USH2A: variants seen among roughly 807,000 people sequenced by gnomAD.
The protein encoded by USH2A is Usher syndrome 2A (autosomal recessive, mild).
Under a neutral mutation model 538.9 loss-of-function variants are expected in USH2A, and 443 were observed. The observed-to-expected ratio is 0.82, with a 90% CI of 0.76 to 0.89. The LOEUF (loss-of-function observed/expected upper bound fraction) is 0.89. Among genes scored for constraint, USH2A ranks in the 40% least tolerant of loss-of-function variants. The pLI is 0.00. For missense variants in USH2A, 6,633 were observed against 6,324.8 expected (o/e 1.05, Z -1.65); for synonymous variants, 2,413 against 2,273.5 (o/e 1.06, Z -1.75).
intron 4 of USH2A, among the ~76,000 whole-genome samples, chr1:216,352,107 A>G (rs2102691734): frequency 6.6e-6 from 1 of 152,246 alleles, no homozygotes; most frequent in Non-Finnish European, 1.5e-5. Context: ...GAGTTCAGGA[A>G]AGAGGCTGGG....
intron 11 of USH2A, among the ~76,000 whole-genome samples, chr1:216,252,789 C>A (rs2036187835): frequency 6.6e-6 from 1 of 152,148 alleles, no homozygotes; most frequent in African/African-American, 2.4e-5. Context: ...GATACAAAAT[C>A]ATTACTCAAG....
chr1:215,650,885 G>T, intron 64 of USH2A, 84 bp from the exon 65 acceptor site: 2 of 1,495,376 alleles, frequency 1.3e-6, no homozygotes, highest in Non-Finnish European at 1.8e-6. Context: ...GAAAAAAAAC[G>T]AAATTGGCAA....
chr1:215,647,937 TAAGAG>T (rs1656913249), intron 66 of USH2A, among the ~76,000 whole-genome samples: 1 of 151,706 alleles, frequency 6.6e-6, no homozygotes, highest in Non-Finnish European at 1.5e-5. Context: ...AGAGAAATGA[TAAGAG>T]AAGTCACCAT....
chr1:215,638,465 C>T (rs951663217), intron 69 of USH2A, among the ~76,000 whole-genome samples: 21 of 151,614 alleles, frequency 1.4e-4, no homozygotes, highest in Non-Finnish European at 2.5e-4. Context: ...ACTGTAAATA[C>T]AAGAATCAGC....
intron 37 of USH2A, among the ~76,000 whole-genome samples, chr1:215,950,589 C>T (rs1357518781): frequency 4.7e-5 from 7 of 149,704 alleles, no homozygotes; most frequent in Admixed American, 3.4e-4. Context: ...TCACTACAAT[C>T]TCCAAATCCT....
chr1:216,200,414 T>A (rs2102468212), intron 16 of USH2A, among the ~76,000 whole-genome samples: 1 of 152,296 alleles, frequency 6.6e-6, no homozygotes, highest in East Asian at 1.9e-4. Context: ...GAGAAAGTCC[T>A]TGCGGTTCTC....
intron 18 of USH2A, among the ~76,000 whole-genome samples, chr1:216,197,511 A>G (rs1402663622): frequency 6.6e-6 from 1 of 152,124 alleles, no homozygotes; most frequent in African/African-American, 2.4e-5. Flanking sequence ...GCTGGTAGTC[A>G]TTAAGAGATG....
chr1:215,976,984 G>GTTTTTTTTTTT (rs56872387), intron 35 of USH2A, among the ~76,000 whole-genome samples: 1 of 144,426 alleles, frequency 6.9e-6, no homozygotes, highest in African/African-American at 2.5e-5. Flanking sequence ...ACCTGGTCCA[G>GTTTTTTTTTTT]TTTTTTTTTT....
chr1:215,678,191 T>C (rs943361060), intron 62 of USH2A, among the ~76,000 whole-genome samples: 8 of 152,210 alleles, frequency 5.3e-5, no homozygotes, highest in African/African-American at 1.9e-4. Context: ...TTCCACAGGG[T>C]AGCCAGAGTG....
intron 4 of USH2A, among the ~76,000 whole-genome samples, chr1:216,340,421 A>T (rs1001365116): frequency 1.3e-5 from 2 of 151,968 alleles, no homozygotes; most frequent in African/African-American, 2.4e-5. Flanking sequence ...TACAAAGAGG[A>T]GCTGGTACCA....
intron 15 of USH2A, among the ~76,000 whole-genome samples, 189 bp downstream of exon 15, chr1:216,217,198 A>G (rs1442951600): frequency 6.6e-6 from 1 of 152,112 alleles, no homozygotes; most frequent in East Asian, 1.9e-4. Context: ...TTATATTACC[A>G]TTTCCAATTG....
chr1:215,759,991 G>T, intron 56 of USH2A, 148 bp from the exon 57 acceptor site: 1 of 853,306 alleles, frequency 1.2e-6, no homozygotes. Context: ...CATAATTGGT[G>T]TAAATATATT....
At chr1:216,299,749 T>C (rs1385378115) in intron 9 of USH2A, among the ~76,000 whole-genome samples, 2 of 152,124 alleles carry the variant, frequency 1.3e-5, no homozygotes, top group Non-Finnish European at 2.9e-5. Context: ...ATGATTCTCT[T>C]TTCAACTACT....
At chr1:216,060,747 C>T (rs1348015718) in intron 30 of USH2A, among the ~76,000 whole-genome samples, 2 of 152,192 alleles carry the variant, frequency 1.3e-5, no homozygotes, top group Non-Finnish European at 2.9e-5. Context: ...ATTAAGTTTA[C>T]ATGTTTAAAC....
At chr1:215,688,697 C>T (rs745726808) in intron 61 of USH2A, among the ~76,000 whole-genome samples, 4 of 152,102 alleles carry the variant, frequency 2.6e-5, no homozygotes, top group Non-Finnish European at 4.4e-5. Context: ...AGAGAGATAT[C>T]TCTGGTGTCT....
At chr1:215,958,124 C>T (rs980661792) in intron 37 of USH2A, among the ~76,000 whole-genome samples, 5 of 149,878 alleles carry the variant, frequency 3.3e-5, no homozygotes, top group African/African-American at 1.0e-4. Flanking sequence ...AGAAAATAAA[C>T]GCTTCTGTAT....
chr1:216,090,947 T>C (rs2032286343), intron 22 of USH2A, among the ~76,000 whole-genome samples: 1 of 152,140 alleles, frequency 6.6e-6, no homozygotes, highest in South Asian at 2.1e-4. Flanking sequence ...AGATCAGGTG[T>C]CTGAATAAGT....
Position 215,941,269 on chromosome 1 carries a change from T to A in USH2A, c.7121-6474A>T, listed in dbSNP as rs556656924. Among the ~76,000 whole-genome samples, 11 of 152,260 alleles carry A rather than the reference T, an allele frequency of 7.2e-5. No individual in the cohort carries two copies. The South Asian group carries it at 1.5e-3, about 20-fold the overall frequency. On this transcript the variant is annotated intron_variant, in intron 37 of 71. Transcript: ENST00000307340. ...GCATGTATATTATACATTTTATATATAAAGTTCACTACGATATATAAAATT... is the reference window on the plus strand; with the variant it reads ...GCATGTATATTATACATTTTATATAAAAAGTTCACTACGATATATAAAATT...
chr1:215,640,731 G>A lies in USH2A; in HGVS notation c.14795C>T (p.Pro4932Leu), dbSNP rs1424552928. 1.2e-6 allele frequency: 2 copies of A among 1,612,834 alleles called. No homozygotes were observed. ...WISFTTQKEL[P>L]QYRAPFSVDS... ...CACCGAAAATGGGGCTCGGTACTGA[G>A]GCACTGTGGGGAGAAAGTTGTATGT... The change falls in exon 68 of 72, where the codon CCT becomes CTT. Residue 4932 changes from proline to leucine, a missense_variant. Transcript: ENST00000307340.
Sources: allele counts gnomAD v4.1 joint callset (sites outside exome capture counted in the v4.1 genomes callset), GRCh38; gene constraint gnomAD v4.1.1; transcripts MANE v1.5; gene names NCBI Gene and HGNC (gene_info 2026-07-23, HGNC 2026-07-21).